KAZN: variants seen among roughly 807,000 people sequenced by gnomAD.
KAZN encodes kazrin.
Under a neutral mutation model 87.4 loss-of-function variants are expected in KAZN, and 40 were observed. That is an observed-to-expected ratio of 0.46 (90% CI 0.36 to 0.60). The LOEUF (loss-of-function observed/expected upper bound fraction) is 0.60. KAZN is among the 20% of genes least tolerant of loss of function. KAZN has a pLI of 0.00. For missense variants in KAZN, 898 were observed against 1,073.9 expected, an observed-to-expected ratio of 0.84 and a Z score of 2.29; for synonymous variants, 466 against 458.3, an observed-to-expected ratio of 1.02 and a Z score of -0.22.
chr1:14,567,457 T>A (rs1158253122), intron 2 of KAZN, among the ~76,000 whole-genome samples: 7 of 152,194 alleles, frequency 4.6e-5, no homozygotes, highest in Non-Finnish European at 2.9e-5. Flanking sequence ...AGACACAAAG[T>A]GAGCACATGC....
intron 1 of KAZN, among the ~76,000 whole-genome samples, chr1:13,905,418 C>G (rs1465829463): frequency 6.6e-6 from 1 of 152,186 alleles, no homozygotes; most frequent in East Asian, 1.9e-4. Context: ...AACCCCAACT[C>G]ATATGAGGGT....
At chr1:14,549,143 G>C (rs959407797) in intron 2 of KAZN, among the ~76,000 whole-genome samples, 1 of 152,146 alleles carries the variant, frequency 6.6e-6, no homozygotes, top group Non-Finnish European at 1.5e-5. Context: ...TTTTTCGGTA[G>C]AGTCTTTGAA....
intron 2 of KAZN, among the ~76,000 whole-genome samples, chr1:14,416,896 C>T (rs561671480): frequency 6.6e-6 from 1 of 151,854 alleles, no homozygotes; most frequent in East Asian, 1.9e-4. Context: ...TTAAGACCAG[C>T]CTGGGCAACA....
At chr1:13,961,275 C>A (rs182807023) in intron 1 of KAZN, among the ~76,000 whole-genome samples, 58 of 152,320 alleles carry the variant, frequency 3.8e-4, no homozygotes, top group African/African-American at 1.4e-3. Context: ...AAAGAATAAA[C>A]CATAAACCAG....
chr1:15,022,438 G>T (rs1212842653), intron 2 of KAZN, among the ~76,000 whole-genome samples: 2 of 152,186 alleles, frequency 1.3e-5, no homozygotes, highest in Non-Finnish European at 2.9e-5. Context: ...CCATTTGACC[G>T]TGAGGCAAAA....
intron 2 of KAZN, among the ~76,000 whole-genome samples, chr1:14,267,938 T>A (rs908722916): frequency 6.6e-6 from 1 of 152,174 alleles, no homozygotes; most frequent in Admixed American, 6.5e-5. Flanking sequence ...TGGGCCTGGG[T>A]GACAGAGCAA....
At chr1:15,103,817 G>C (rs1307629572) in intron 12 of KAZN, among the ~76,000 whole-genome samples, 3 of 152,192 alleles carry the variant, frequency 2.0e-5, no homozygotes, top group East Asian at 3.9e-4. Flanking sequence ...TTTCCTGCTA[G>C]GGTCAGGGAC....
intron 1 of KAZN, among the ~76,000 whole-genome samples, chr1:14,684,730 T>C (rs948458388): frequency 6.6e-6 from 1 of 152,184 alleles, no homozygotes; most frequent in Non-Finnish European, 1.5e-5. Flanking sequence ...TGCCTCTGTT[T>C]CTGTTGTCAC....
chr1:14,268,996 TTACCAGATTTGC>T (rs1651712785), intron 2 of KAZN, among the ~76,000 whole-genome samples: 1 of 152,226 alleles, frequency 6.6e-6, no homozygotes, highest in South Asian at 2.1e-4. Flanking sequence ...TGAGTACAAA[TTACCAGATTTGC>T]TACCGGAGCT....
At chr1:14,226,260 A>T in intron 2 of KAZN, among the ~76,000 whole-genome samples, 1 of 152,218 alleles carries the variant, frequency 6.6e-6, no homozygotes, top group African/African-American at 2.4e-5. Context: ...ATGAACAGAC[A>T]CTTCTCAAAA....
intron 1 of KAZN, among the ~76,000 whole-genome samples, chr1:13,980,205 T>C (rs1638596130): frequency 6.6e-6 from 1 of 152,150 alleles, no homozygotes; most frequent in Non-Finnish European, 1.5e-5. Flanking sequence ...AATACTTTAG[T>C]AATTCAAAAG....
chr1:14,427,910 A>C (rs901643697), intron 2 of KAZN, among the ~76,000 whole-genome samples: 1 of 152,198 alleles, frequency 6.6e-6, no homozygotes, highest in African/African-American at 2.4e-5. Context: ...CCATGGCAAC[A>C]ACTATAGCCG....
chr1:14,451,840 A>G (rs1294931020), intron 2 of KAZN, among the ~76,000 whole-genome samples: 2 of 152,178 alleles, frequency 1.3e-5, no homozygotes, highest in South Asian at 2.1e-4. Context: ...CACCTTGAAG[A>G]CAGTCAGGTA....
chr1:14,585,708 G>C (rs1469308937), intron 2 of KAZN, among the ~76,000 whole-genome samples: 1 of 152,226 alleles, frequency 6.6e-6, no homozygotes, highest in Non-Finnish European at 1.5e-5. Flanking sequence ...GAATGGGAAG[G>C]AGTGAGGAAT....
chr1:14,868,497 A>G (rs1651783590), intron 1 of KAZN, among the ~76,000 whole-genome samples: 1 of 152,170 alleles, frequency 6.6e-6, no homozygotes, highest in South Asian at 2.1e-4. Flanking sequence ...TAGTGACTCC[A>G]GAGGCTGAAA....
intron 1 of KAZN, among the ~76,000 whole-genome samples, chr1:14,837,910 A>G (rs1647462111): frequency 6.6e-6 from 1 of 152,128 alleles, no homozygotes; most frequent in Non-Finnish European, 1.5e-5. Context: ...CCTCTGATGG[A>G]CCATGGAGCT....
At position 15,077,600 on chromosome 1, in the gene KAZN, C is replaced by T. The variant is rs999220687; in HGVS notation, c.1222+11847C>T. On this transcript the variant is annotated intron_variant, in intron 8 of 14. Coordinates refer to ENST00000376030, the MANE Select transcript of KAZN (RefSeq NM_201628.3). The surrounding 1 kb of genome is among the most constrained non-coding windows in gnomAD (Gnocchi z 4.8). ...GGACCAGGTCAGCTGCTTGCAGCCA[C>T]GTGACTCAGTTGTTTTTTATAGTCA... 2.6e-5 allele frequency among the ~76,000 whole-genome samples: 4 copies of T among 152,180 alleles called. No individual in the cohort carries two copies. Among genetic ancestry groups the T allele is most frequent in the African/African-American group, 7.2e-5 (3 of 41,440 alleles).
At chr1:14,858,609 T>C (rs950929956) in intron 1 of KAZN, among the ~76,000 whole-genome samples, 1 of 152,234 alleles carries the variant, frequency 6.6e-6, no homozygotes, top group Non-Finnish European at 1.5e-5. Context: ...GGAACATTCA[T>C]GTACAAGTAT....
chr1:14,857,487 C>A (rs1005975847), intron 1 of KAZN, among the ~76,000 whole-genome samples: 1 of 152,006 alleles, frequency 6.6e-6, no homozygotes, highest in Non-Finnish European at 1.5e-5. Flanking sequence ...GAGCCGAGAT[C>A]GCGCCACTCT....
Sources: gnomAD v4.1 joint callset for allele counts (sites outside exome capture counted in the v4.1 genomes callset) on GRCh38, gnomAD v4.1.1 for gene constraint, Gnocchi (gnomAD v3.1) non-coding constraint, MANE v1.5 for transcripts, NCBI Gene and HGNC (gene_info 2026-07-23, HGNC 2026-07-21) for gene names.